IFIT3: variants seen among roughly 807,000 people sequenced by gnomAD.
IFIT3 encodes interferon induced protein with tetratricopeptide repeats 3, also known as interferon-induced protein with tetratricopeptide repeats 3.
Under a neutral mutation model 2.4 loss-of-function variants are expected in IFIT3, and 2 were observed. That is an observed-to-expected ratio of 0.82 (90% CI 0.34 to 2.60). The LOEUF (loss-of-function observed/expected upper bound fraction) is 2.60. IFIT3 is among the 30% of genes most tolerant of loss of function. The pLI is 0.11. For synonymous variants in IFIT3, 203 were observed against 212.1 expected, an observed-to-expected ratio of 0.96 and a Z score of 0.37; for missense variants, 481 against 562.4, an observed-to-expected ratio of 0.86 and a Z score of 1.46.
At chr10:89,336,859 A>G (rs1033418979) in intron 1 of IFIT3, among the ~76,000 whole-genome samples, 7 of 152,188 alleles carry the variant, frequency 4.6e-5, no homozygotes, top group African/African-American at 1.7e-4. Flanking sequence ...TCCACTGGTA[A>G]GAAGGAAGAA....
chr10:89,332,733 A>T, intron 1 of IFIT3: 2 of 1,168,344 alleles, frequency 1.7e-6, no homozygotes, highest in Non-Finnish European at 2.6e-6. Context: ...CATTTATCTA[A>T]TTCAAGCATA....
intron 1 of IFIT3, among the ~76,000 whole-genome samples, chr10:89,335,995 G>A (rs12248331): frequency 0.24 from 36,265 of 151,996 alleles, 4,561 homozygotes; most frequent in African/African-American, 0.29. Flanking sequence ...AACCCCTAGG[G>A]CCAGGTGTGG....
intron 1 of IFIT3, among the ~76,000 whole-genome samples, chr10:89,332,822 G>C (rs1003696718): frequency 1.3e-5 from 2 of 152,142 alleles, no homozygotes; most frequent in Non-Finnish European, 2.9e-5. Flanking sequence ...AAGGACACAG[G>C]GAAATGGGAG....
intron 1 of IFIT3, chr10:89,338,212 C>T (rs7917725): frequency 0.06 from 9,525 of 158,866 alleles, 702 homozygotes; most frequent in African/African-American, 0.18. Flanking sequence ...TGGAGACTGG[C>T]AAGTCCCATA....
At chr10:89,330,961 A>C (rs1843643388) in intron 1 of IFIT3, among the ~76,000 whole-genome samples, 1 of 152,210 alleles carries the variant, frequency 6.6e-6, no homozygotes, top group African/African-American at 2.4e-5. Context: ...CTGCATAGTC[A>C]GTACTGTCAA....
intron 1 of IFIT3, 58 bp downstream of exon 1, chr10:89,328,136 G>A (rs932694769): frequency 1.3e-6 from 2 of 1,515,884 alleles, no homozygotes; most frequent in Admixed American, 1.7e-5. Context: ...TGTAAGTTGA[G>A]TTTCTTACTG....
At chr10:89,332,828 G>A (rs1039295229) in intron 1 of IFIT3, among the ~76,000 whole-genome samples, 1 of 152,142 alleles carries the variant, frequency 6.6e-6, no homozygotes, top group Non-Finnish European at 1.5e-5. Flanking sequence ...ACAGGGAAAT[G>A]GGAGCTGGGA....
rs1843816012 is a variant in IFIT3 at position 89,339,546 on chromosome 10, A to C, written c.891A>C (p.Glu297Asp). 5.0e-6 allele frequency: 8 copies of C among 1,614,160 alleles called. No individual in the cohort carries two copies. Among genetic ancestry groups the C allele is most frequent in the Non-Finnish European group, 6.8e-6 (8 of 1,180,002 alleles). ...AKVRQMQNTG[E>D]SEASGNKEMI... is the part of the protein sequence containing the mutation. ...TAAGACAAATGCAGAATACAGGAGA[A>C]TCTGAAGCTAGTGGAAATAAAGAGA... The change falls in exon 2 of 2, where the codon GAA becomes GAC. Residue 297 changes from glutamate to aspartate, a missense_variant. Physicochemically the swap from Glu to Asp is conservative, Grantham distance 45. Coordinates refer to ENST00000371818, the MANE Select transcript of IFIT3 (RefSeq NM_001549.6).
chr10:89,333,995 CAACT>C (rs1029205916), intron 1 of IFIT3, among the ~76,000 whole-genome samples: 27 of 152,338 alleles, frequency 1.8e-4, no homozygotes, highest in African/African-American at 5.8e-4. Context: ...TCTGACCAAC[CAACT>C]GAGCACAGGT....
chr10:89,332,689 T>G, intron 1 of IFIT3: 1 of 1,525,704 alleles, frequency 6.6e-7, no homozygotes, highest in Non-Finnish European at 9.1e-7. Context: ...TCCTGACTTA[T>G]GCTATTTCAG....
chr10:89,335,723 T>C (rs992737431), intron 1 of IFIT3, among the ~76,000 whole-genome samples: 1 of 152,150 alleles, frequency 6.6e-6, no homozygotes, highest in African/African-American at 2.4e-5. Flanking sequence ...CATATGTACC[T>C]ACAAATCTGC....
chr10:89,339,378 A>G lies in IFIT3; in HGVS notation c.723A>G (p.Thr241=). 1.2e-6 allele frequency: 2 copies of G among 1,614,154 alleles called. No homozygotes were observed. Among genetic ancestry groups the G allele is most frequent in the Non-Finnish European group, 1.7e-6 (2 of 1,180,000 alleles). The change falls in exon 2 of 2, where the codon ACA becomes ACG. Residue 241 remains threonine (T), a synonymous_variant. Coordinates refer to ENST00000371818, the MANE Select transcript of IFIT3 (RefSeq NM_001549.6). ...CCTTGGAAAAGTCTCCTTGCCAAAC[A>G]GATGTCCTCCGCAGTGCAGCCAAAT... The part of the protein sequence containing the change: ...EEALEKSPCQ[T]DVLRSAAKFY...
Position 89,340,039 on chromosome 10 carries a change from G to C in IFIT3, c.1384G>C (p.Glu462Gln). 1 of 1,614,198 alleles carries C rather than the reference G, an allele frequency of 6.2e-7. No individual in the cohort carries two copies. Among genetic ancestry groups the C allele is most frequent in the Non-Finnish European group, 8.5e-7 (1 of 1,180,034 alleles). The change falls in exon 2 of 2, where the codon GAG (glutamate) becomes CAG (glutamine). Residue 462 changes from glutamate (E) to glutamine (Q), a missense_variant. Physicochemically the swap from Glu to Gln is conservative, Grantham distance 29. Coordinates refer to ENST00000371818, the MANE Select transcript of IFIT3 (RefSeq NM_001549.6). ...GIGSIFLSAS[E>Q]LEDGSEEMGQ... ...AGGCAGTATTTTCCTGTCAGCATCT[G>C]AGCTTGAGGATGGTAGTGAGGAAAT...
chr10:89,339,520 GTAAGA>G lies in IFIT3; in HGVS notation c.866_870del (p.Val289AlafsTer9). The stretch of plus-strand genomic sequence containing the variant: ...GATTGGGTGCTGCTACAAGGCAAAA[GTAAGA>G]CAAATGCAGAATACAGGAGAATCTG... On this transcript the variant is annotated frameshift_variant, in exon 2 of 2. Coordinates refer to ENST00000371818, the MANE Select transcript of IFIT3 (RefSeq NM_001549.6). LOFTEE classifies it low-confidence loss of function (END_TRUNC). 1 of 1,614,124 alleles carries G rather than the reference GTAAGA, an allele frequency of 6.2e-7. No individual in the cohort carries two copies. Among genetic ancestry groups the G allele is most frequent in the African/African-American group, 1.3e-5 (1 of 75,044 alleles).
At chr10:89,333,958 GTGA>G (rs1843690021) in intron 1 of IFIT3, among the ~76,000 whole-genome samples, 2 of 152,242 alleles carry the variant, frequency 1.3e-5, no homozygotes, top group Admixed American at 1.3e-4. Context: ...GCTTTCTGAA[GTGA>G]TGGACTCCTT....
intron 1 of IFIT3, among the ~76,000 whole-genome samples, chr10:89,330,399 C>G (rs573236238): frequency 3.9e-5 from 6 of 152,236 alleles, no homozygotes; most frequent in Non-Finnish European, 8.8e-5. Flanking sequence ...TCATCTGACT[C>G]TATGCCCAAT....
chr10:89,334,746 C>A (rs1287886563), intron 1 of IFIT3, among the ~76,000 whole-genome samples: 2 of 151,582 alleles, frequency 1.3e-5, no homozygotes, highest in Non-Finnish European at 2.9e-5. Flanking sequence ...CCGCCTCAGC[C>A]TCCCAAAATG....
chr10:89,337,974 T>C (rs1843772386), intron 1 of IFIT3, among the ~76,000 whole-genome samples: 1 of 152,192 alleles, frequency 6.6e-6, no homozygotes, highest in Non-Finnish European at 1.5e-5. Context: ...AACACTTTAG[T>C]ATAAAATAGG....
intron 1 of IFIT3, among the ~76,000 whole-genome samples, chr10:89,328,924 G>A (rs143023595): frequency 6.6e-6 from 1 of 152,212 alleles, no homozygotes; most frequent in Non-Finnish European, 1.5e-5. Flanking sequence ...AGTGATGGTG[G>A]CTACATATGC....
Sources: gnomAD v4.1 joint callset for allele counts (sites outside exome capture counted in the v4.1 genomes callset) on GRCh38, gnomAD v4.1.1 for gene constraint, MANE v1.5 for transcripts, NCBI Gene and HGNC (gene_info 2026-07-23, HGNC 2026-07-21) for gene names.